The following ABCC9 variants were observed in gnomAD, a reference collection of about 807,000 sequenced individuals.
ABCC9 encodes the protein ATP binding cassette subfamily C member 9.
In ABCC9, 95 loss-of-function variants were observed where a neutral mutation model predicts 188.3. That is an observed-to-expected ratio of 0.50 (90% CI 0.43 to 0.60). The LOEUF (loss-of-function observed/expected upper bound fraction) is 0.60, where lower values mean the gene tolerates loss of function less well. Ranked by LOEUF, ABCC9 falls within the 20% of genes least tolerant of loss-of-function variation. The pLI, the probability that ABCC9 is intolerant of heterozygous loss-of-function variation, is 0.00. For synonymous variants in ABCC9, 659 were observed against 652.7 expected (o/e 1.01, Z -0.15); for missense variants, 1,102 against 1,876.3 (o/e 0.59, Z 7.62).
chr12:21,876,748 C>A (rs1946369450), intron 16 of ABCC9, among the ~76,000 whole-genome samples: 1 of 152,174 alleles, frequency 6.6e-6, no homozygotes, highest in South Asian at 2.1e-4. Context: ...ATTGAAGATA[C>A]ACTTTGCTCA....
chr12:21,814,432 G>A (rs989996843), intron 35 of ABCC9, among the ~76,000 whole-genome samples: 12 of 152,142 alleles, frequency 7.9e-5, no homozygotes, highest in Admixed American at 2.0e-4. Context: ...ATAATGTATA[G>A]ACATGAGTTT....
At chr12:21,884,527 A>G (rs2137667870) in intron 15 of ABCC9, among the ~76,000 whole-genome samples, 1 of 152,286 alleles carries the variant, frequency 6.6e-6, no homozygotes, top group Non-Finnish European at 1.5e-5. Flanking sequence ...CTGCAGGTTT[A>G]GCTTTTTGAA....
intron 3 of ABCC9, 104 bp downstream of exon 3, chr12:21,936,429 C>T: frequency 1.0e-6 from 1 of 999,356 alleles, no homozygotes; most frequent in Non-Finnish European, 1.5e-6. Flanking sequence ...TCACAGCCAT[C>T]AGCTTCCATG....
rs555495071 is a variant in ABCC9 at position 21,818,932 on chromosome 12, C to G, written c.3670-681G>C. On this transcript the variant is annotated intron_variant, in intron 31 of 39. Transcript: ENST00000261200. The stretch of plus-strand genomic sequence containing the variant: ...CTGGCTCAGAGTCTGGGACACTAAA[C>G]CTACAGATTTCATGTAAATAAGAAT... Among the ~76,000 whole-genome samples, 121 of 152,194 alleles carry G rather than the reference C, an allele frequency of 8.0e-4. 1 individual carries two copies. Among genetic ancestry groups the G allele is most frequent in the African/African-American group, 2.8e-3 (116 of 41,534 alleles).
intron 18 of ABCC9, among the ~76,000 whole-genome samples, chr12:21,865,417 G>T (rs889636056): frequency 6.6e-6 from 1 of 152,068 alleles, no homozygotes; most frequent in African/African-American, 2.4e-5. Context: ...AATAATAATT[G>T]TTCCCTGATT....
At chr12:21,835,450 C>T (rs1944020530) in intron 30 of ABCC9, among the ~76,000 whole-genome samples, 1 of 152,122 alleles carries the variant, frequency 6.6e-6, no homozygotes, top group African/African-American at 2.4e-5. Context: ...ACTCTACATT[C>T]TCACATTCAG....
At position 21,844,935 on chromosome 12, in the gene ABCC9, A is replaced by G; in HGVS notation, c.3097-20T>C. 1 of 1,613,178 alleles carries G rather than the reference A, an allele frequency of 6.2e-7. No homozygotes were observed. Among genetic ancestry groups the G allele is most frequent in the Non-Finnish European group, 8.5e-7 (1 of 1,179,392 alleles). ...GTAGGTCTAAAAAGCAACCAACACA[A>G]AAAGCACATAGGAAATTATCAATGG... On this transcript the variant is annotated intron_variant, in intron 26 of 39. Transcript: ENST00000261200.
chr12:21,912,961 C>G lies in ABCC9; in HGVS notation c.922G>C (p.Asp308His). The G allele has an allele frequency of 6.2e-7, 1 of 1,613,514 alleles. No homozygotes were observed. The highest frequency in any genetic ancestry group is 8.5e-7 in the Non-Finnish European group (1 of 1,179,744). The change falls in exon 8 of 40, where the codon GAT (aspartate) becomes CAT (histidine). Residue 308 changes from aspartate (D) to histidine (H), a missense_variant. By Grantham distance (81) the Asp-to-His change is moderately conservative (BLOSUM62 -1). Coordinates refer to ENST00000261200, the MANE Select transcript of ABCC9 (RefSeq NM_020297.4). ...AGAGGTCCAGCAAAACCCAGTAAAT[C>G]AGCCAGATAGCGGAATGTGCTACTA... ...LLSSTFRYLA[D>H]LLGFAGPLCI...
intron 38 of ABCC9, 42 bp from the exon 39 acceptor site, chr12:21,806,102 GTCA>G (rs903051878): frequency 5.8e-6 from 9 of 1,559,576 alleles, no homozygotes; most frequent in Non-Finnish European, 7.9e-6. Flanking sequence ...GGATTACTTT[GTCA>G]TCATAATATT....
At chr12:21,905,250 A>T (rs1449140069) in intron 12 of ABCC9, among the ~76,000 whole-genome samples, 1 of 151,862 alleles carries the variant, frequency 6.6e-6, no homozygotes, top group Non-Finnish European at 1.5e-5. Flanking sequence ...CACATCACAC[A>T]CCGGGGCCTG....
intron 16 of ABCC9, among the ~76,000 whole-genome samples, chr12:21,881,695 C>G (rs1315451016): frequency 8.3e-6 from 1 of 121,102 alleles, no homozygotes; most frequent in Non-Finnish European, 1.7e-5. Context: ...ACATTATAAT[C>G]GCCTAGGGAA....
chr12:21,905,414 TA>T (rs546862783), intron 12 of ABCC9, among the ~76,000 whole-genome samples: 2,454 of 144,764 alleles, frequency 0.017, 36 homozygotes, highest in Middle Eastern at 0.061. Context: ...AAAGTATAAT[TA>T]AAAAAAAAAA....
intron 16 of ABCC9, among the ~76,000 whole-genome samples, chr12:21,877,752 C>G (rs1946433269): frequency 6.6e-6 from 1 of 152,112 alleles, no homozygotes; most frequent in African/African-American, 2.4e-5. Context: ...AGCTGCATAG[C>G]TACTGTAGGT....
intron 12 of ABCC9, among the ~76,000 whole-genome samples, chr12:21,904,038 G>A (rs189593381): frequency 4.6e-5 from 7 of 152,246 alleles, no homozygotes; most frequent in Admixed American, 2.6e-4. Context: ...ATACTACAAG[G>A]CTACAGTAAC....
Position 21,842,391 on chromosome 12 carries a change from A to C in ABCC9, c.3396T>G (p.Thr1132=). The change falls in exon 29 of 40, where the codon ACT becomes ACG. Residue 1132 remains threonine (T), a synonymous_variant. Transcript: ENST00000261200. Reference sequence around the variant, plus strand: ...GCAGGAGAGCAACCAGGAACACAGGAGTAGCATAAGAAATCATCCCAATGG... The same window carrying C: ...GCAGGAGAGCAACCAGGAACACAGGCGTAGCATAAGAAATCATCCCAATGG... The part of the protein sequence containing the change: ...LSAIGMISYA[T]PVFLVALLPL... 6.2e-7 allele frequency: 1 copy of C among 1,614,170 alleles called. No homozygotes were observed. The highest frequency in any genetic ancestry group is 8.5e-7 in the Non-Finnish European group (1 of 1,180,000).
At chr12:21,925,258 A>G (rs1949001599) in intron 5 of ABCC9, 1 of 469,908 alleles carries the variant, frequency 2.1e-6, no homozygotes, top group Non-Finnish European at 3.8e-6. Flanking sequence ...ACTCATATAG[A>G]TGCGTTATAT....
At chr12:21,889,314 A>G (rs2900492) in intron 14 of ABCC9, among the ~76,000 whole-genome samples, 2,009 of 151,506 alleles carry the variant, frequency 0.013, 12 homozygotes, top group Middle Eastern at 0.051. Flanking sequence ...TAGACTTGAA[A>G]AACAGTGTTA....
chr12:21,838,028 G>T, intron 30 of ABCC9, 50 bp downstream of exon 30: 1 of 1,360,808 alleles, frequency 7.3e-7, no homozygotes, highest in Non-Finnish European at 1.1e-6. Context: ...AAAAATATTT[G>T]TTGATGATGT....
Position 21,926,079 on chromosome 12 carries a change from C to A in ABCC9, c.285-16G>T. On this transcript the variant is annotated splice_polypyrimidine_tract_variant and intron_variant, in intron 4 of 39. Coordinates refer to ENST00000261200, the MANE Select transcript of ABCC9 (RefSeq NM_020297.4). ...TTCCCGCCGCCTAGAAAGAGCAGTA[C>A]GTCAACGCCTAAAGCTGATGGTTCC... 6.2e-7 allele frequency: 1 copy of A among 1,613,852 alleles called. No individual in the cohort carries two copies. Among genetic ancestry groups the A allele is most frequent in the Non-Finnish European group, 8.5e-7 (1 of 1,179,906 alleles).
Sources: gnomAD v4.1 joint callset for allele counts (sites outside exome capture counted in the v4.1 genomes callset) on GRCh38, gnomAD v4.1.1 for gene constraint, MANE v1.5 for transcripts, NCBI Gene and HGNC (gene_info 2026-07-23, HGNC 2026-07-21) for gene names.